AFF3: variants seen among roughly 807,000 people sequenced by gnomAD.
AFF3 encodes the protein ALF transcription elongation factor 3.
In AFF3, 32 loss-of-function variants were observed where a neutral mutation model predicts 129.7. That is an observed-to-expected ratio of 0.25 (90% CI 0.19 to 0.33). The LOEUF is 0.33. AFF3 is among the 10% of genes least tolerant of loss of function. The pLI is 1.00. For synonymous variants in AFF3, 644 were observed against 635.4 expected, an observed-to-expected ratio of 1.01 and a Z score of -0.20; for missense variants, 1,373 against 1,592.0, an observed-to-expected ratio of 0.86 and a Z score of 2.34.
chr2:99,601,638 C>G lies in AFF3; in HGVS notation c.1185-17G>C. On this transcript the variant is annotated splice_polypyrimidine_tract_variant and intron_variant, in intron 13 of 24. Coordinates refer to ENST00000672756, the MANE Select transcript of AFF3 (RefSeq NM_001386135.1). ...ACCACGGCGCTGCCAGCCCGCGAGG[C>G]CCCCGGGAAGCAGAGGGAAGGAAAG... The G allele has an allele frequency of 6.3e-7, 1 of 1,582,954 alleles. No homozygotes were observed. The highest frequency in any genetic ancestry group is 1.1e-5 in the South Asian group (1 of 88,468).
At chr2:99,877,083 A>G (rs1269903414) in intron 7 of AFF3, among the ~76,000 whole-genome samples, 1 of 152,162 alleles carries the variant, frequency 6.6e-6, no homozygotes, top group Non-Finnish European at 1.5e-5. Flanking sequence ...ACCTAACAAC[A>G]TTTCCAGGAC....
intron 8 of AFF3, among the ~76,000 whole-genome samples, chr2:99,785,162 A>C (rs1457084885): frequency 1.3e-5 from 2 of 152,228 alleles, no homozygotes; most frequent in Non-Finnish European, 2.9e-5. Flanking sequence ...ACTGCAGGTC[A>C]GCCTGAATTG....
intron 7 of AFF3, among the ~76,000 whole-genome samples, chr2:99,985,703 T>C (rs1417791152): frequency 6.6e-6 from 1 of 152,136 alleles, no homozygotes; most frequent in Non-Finnish European, 1.5e-5. Context: ...ATTGTATCAT[T>C]AGAAGTCAGG....
At chr2:99,637,657 A>T (rs1394070390) in intron 13 of AFF3, among the ~76,000 whole-genome samples, 1 of 152,180 alleles carries the variant, frequency 6.6e-6, no homozygotes, top group Non-Finnish European at 1.5e-5. Context: ...AATTTAATCT[A>T]AGTACATTCA....
intron 8 of AFF3, among the ~76,000 whole-genome samples, chr2:99,772,219 G>A (rs1042226848): frequency 2.9e-4 from 44 of 152,180 alleles, no homozygotes; most frequent in Non-Finnish European, 2.5e-4. Context: ...GGGCGAGGTG[G>A]CAGGGGCCTG....
At chr2:99,601,753 C>T in intron 13 of AFF3, 132 bp from the exon 14 acceptor site, 1 of 1,099,114 alleles carries the variant, frequency 9.1e-7, no homozygotes, top group Non-Finnish European at 1.3e-6. Flanking sequence ...CAACCATGAC[C>T]TGGAACTCAA....
intron 7 of AFF3, among the ~76,000 whole-genome samples, chr2:99,886,631 T>C (rs1319531397): frequency 6.6e-6 from 1 of 152,142 alleles, no homozygotes; most frequent in Admixed American, 6.5e-5. Flanking sequence ...TGAAGTCCAC[T>C]GGAGTAGGGC....
chr2:99,981,836 G>A (rs1403702879), intron 7 of AFF3, among the ~76,000 whole-genome samples: 1 of 152,184 alleles, frequency 6.6e-6, no homozygotes, highest in African/African-American at 2.4e-5. Flanking sequence ...TAGGAACTTA[G>A]TATTTCTCAC....
At chr2:100,093,055 T>C (rs1165600204) in intron 4 of AFF3, among the ~76,000 whole-genome samples, 1 of 152,254 alleles carries the variant, frequency 6.6e-6, no homozygotes, top group Admixed American at 6.5e-5. Context: ...AAGCCCTCTA[T>C]ACTGTAGACG....
intron 10 of AFF3, among the ~76,000 whole-genome samples, chr2:99,734,278 A>C (rs1486253520): frequency 6.6e-6 from 1 of 152,200 alleles, no homozygotes; most frequent in Admixed American, 6.5e-5. Flanking sequence ...TTTTCTTATT[A>C]ATCCTAATAA....
chr2:99,817,177 G>A (rs560694870), intron 8 of AFF3, among the ~76,000 whole-genome samples: 2 of 152,260 alleles, frequency 1.3e-5, no homozygotes, highest in East Asian at 1.9e-4. Context: ...AAGGCTTCTC[G>A]AGATTCTCCC....
chr2:99,587,782 C>T (rs1278605093), intron 15 of AFF3, among the ~76,000 whole-genome samples: 2 of 151,246 alleles, frequency 1.3e-5, no homozygotes, highest in East Asian at 2.0e-4. Context: ...GAGGCCGAGG[C>T]AGGCGAATCA....
intron 2 of AFF3, among the ~76,000 whole-genome samples, chr2:100,108,833 A>G (rs1289640184): frequency 6.8e-6 from 1 of 147,162 alleles, no homozygotes; most frequent in Admixed American, 6.8e-5. Flanking sequence ...GAATGTAAGT[A>G]GTTGCTGAGG....
chr2:99,863,662 C>T (rs1691165821), intron 7 of AFF3, among the ~76,000 whole-genome samples: 1 of 152,212 alleles, frequency 6.6e-6, no homozygotes, highest in African/African-American at 2.4e-5. Flanking sequence ...AATTTACCCA[C>T]ACGGCAGACC....
chr2:99,653,452 C>T (rs562054482), intron 12 of AFF3, among the ~76,000 whole-genome samples: 2 of 152,220 alleles, frequency 1.3e-5, no homozygotes, highest in African/African-American at 4.8e-5. Context: ...CCAAACAATT[C>T]CTGCTGACTT....
intron 1 of AFF3, among the ~76,000 whole-genome samples, chr2:100,129,738 TG>T (rs942922759): frequency 2.0e-5 from 3 of 152,206 alleles, no homozygotes; most frequent in African/African-American, 7.2e-5. Flanking sequence ...GAACTCTAAA[TG>T]AATTGGATAC....
intron 11 of AFF3, among the ~76,000 whole-genome samples, chr2:99,697,846 T>C (rs977090952): frequency 1.3e-5 from 2 of 152,202 alleles, no homozygotes; most frequent in African/African-American, 2.4e-5. Flanking sequence ...TATAACAGAA[T>C]TGGAAGTGCT....
chr2:99,723,240 T>G (rs1442612777), intron 11 of AFF3, among the ~76,000 whole-genome samples: 1 of 152,130 alleles, frequency 6.6e-6, no homozygotes, highest in Non-Finnish European at 1.5e-5. Context: ...TATTGAAGGA[T>G]TACTCGGGTG....
intron 7 of AFF3, among the ~76,000 whole-genome samples, chr2:99,886,452 G>A (rs931500339): frequency 5.9e-5 from 9 of 151,692 alleles, no homozygotes; most frequent in South Asian, 2.1e-4. Flanking sequence ...GGAGGTACGC[G>A]CAAGGTCAGA....
Sources: gnomAD v4.1 joint callset for allele counts (sites outside exome capture counted in the v4.1 genomes callset) on GRCh38, gnomAD v4.1.1 for gene constraint, MANE v1.5 for transcripts, NCBI Gene and HGNC (gene_info 2026-07-23, HGNC 2026-07-21) for gene names.